The following ANKS1B variants were observed in gnomAD, a reference collection of about 807,000 sequenced individuals.
ANKS1B encodes ankyrin repeat and sterile alpha motif domain containing 1B.
ANKS1B carries 36 observed loss-of-function variants against 148.3 expected under a neutral mutation model. The observed-to-expected ratio is 0.24, with a 90% confidence interval of 0.19 to 0.32. ANKS1B has a LOEUF of 0.32. Ranked by LOEUF, ANKS1B falls within the 10% of genes least tolerant of loss-of-function variation. ANKS1B has a pLI of 1.00. For missense variants in ANKS1B, 1,157 were observed against 1,542.6 expected, an observed-to-expected ratio of 0.75 and a Z score of 4.19; for synonymous variants, 542 against 560.8, an observed-to-expected ratio of 0.97 and a Z score of 0.47.
intron 17 of ANKS1B, among the ~76,000 whole-genome samples, chr12:98,929,782 A>T (rs1012277489): frequency 6.6e-6 from 1 of 152,076 alleles, no homozygotes; most frequent in Non-Finnish European, 1.5e-5. Flanking sequence ...GATTCACAAA[A>T]ATTAACTCAA....
intron 20 of ANKS1B, among the ~76,000 whole-genome samples, chr12:98,804,946 T>C (rs1247617954): frequency 6.6e-6 from 1 of 152,218 alleles, no homozygotes; most frequent in Non-Finnish European, 1.5e-5. Flanking sequence ...TAATGGTTTA[T>C]AATCAAAGCT....
intron 8 of ANKS1B, among the ~76,000 whole-genome samples, chr12:99,754,998 C>T (rs1194067954): frequency 6.6e-6 from 1 of 151,608 alleles, no homozygotes; most frequent in Non-Finnish European, 1.5e-5. Context: ...TAACCAAAAT[C>T]AGAGCTGAAT....
chr12:99,373,686 T>A (rs1270468057), intron 12 of ANKS1B, among the ~76,000 whole-genome samples: 2 of 152,026 alleles, frequency 1.3e-5, no homozygotes, highest in African/African-American at 4.8e-5. Flanking sequence ...CTTGTTTCAT[T>A]TTTTGTTTTT....
chr12:99,652,589 ATAG>A (rs2098427424), intron 9 of ANKS1B, among the ~76,000 whole-genome samples: 1 of 152,208 alleles, frequency 6.6e-6, no homozygotes, highest in African/African-American at 2.4e-5. Flanking sequence ...AAGTACATTT[ATAG>A]ATTTAATGCA....
chr12:99,808,510 C>T lies in ANKS1B; in HGVS notation c.373-1810G>A, dbSNP rs146688644. ...TAGATGGGGAATCCAGCTGAGGGTACTGTTTCTTCCATCATTTGTCAGGAG... is the reference window on the plus strand; with the variant it reads ...TAGATGGGGAATCCAGCTGAGGGTATTGTTTCTTCCATCATTTGTCAGGAG... On this transcript the variant is annotated intron_variant, in intron 3 of 26. Coordinates refer to ENST00000683438, the MANE Select transcript of ANKS1B (RefSeq NM_001352186.2). Among the ~76,000 whole-genome samples, 18 of 152,184 alleles carry T rather than the reference C, an allele frequency of 1.2e-4. 1 individual carries two copies. Among genetic ancestry groups the T allele is most frequent in the African/African-American group, 4.1e-4 (17 of 41,562 alleles).
chr12:99,664,467 A>T (rs1238248699), intron 8 of ANKS1B, among the ~76,000 whole-genome samples: 1 of 152,158 alleles, frequency 6.6e-6, no homozygotes, highest in Non-Finnish European at 1.5e-5. Context: ...CTAAGAGTAA[A>T]AAGGTAGATG....
rs570248038 is a variant in ANKS1B, at chr12:98,804,138, C to T, written c.3142-3013G>A. On this transcript the variant is annotated intron_variant, in intron 20 of 26. Coordinates refer to ENST00000683438, the MANE Select transcript of ANKS1B (RefSeq NM_001352186.2). Reference sequence around the variant, plus strand: ...TCAGAGTGATCTGATAGGATTTTCCCTAGGTGCTAAGGTGGGAGATAATTA... The same window carrying T: ...TCAGAGTGATCTGATAGGATTTTCCTTAGGTGCTAAGGTGGGAGATAATTA... 1.4e-3 allele frequency among the ~76,000 whole-genome samples: 215 copies of T among 152,268 alleles called. 1 individual carries two copies. The highest frequency in any genetic ancestry group is 4.9e-3 in the African/African-American group (202 of 41,566).
At chr12:99,808,253 T>G (rs1193412196) in intron 3 of ANKS1B, among the ~76,000 whole-genome samples, 10 of 152,058 alleles carry the variant, frequency 6.6e-5, no homozygotes, top group African/African-American at 2.4e-4. Context: ...CTTAATGTTC[T>G]AGAAAGTAAC....
intron 11 of ANKS1B, among the ~76,000 whole-genome samples, chr12:99,438,582 T>C (rs770305401): frequency 2.0e-5 from 3 of 151,926 alleles, no homozygotes; most frequent in Non-Finnish European, 4.4e-5. Flanking sequence ...TTGGCTCCCT[T>C]AGACCTAATC....
At chr12:99,816,647 AT>A (rs2069205033) in intron 2 of ANKS1B, among the ~76,000 whole-genome samples, 1 of 151,814 alleles carries the variant, frequency 6.6e-6, no homozygotes, top group Non-Finnish European at 1.5e-5. Flanking sequence ...GTGTTAAAAC[AT>A]ATTTGTGAAA....
chr12:99,441,060 A>G lies in ANKS1B; in HGVS notation c.1575+2613T>C, dbSNP rs559853503. On this transcript the variant is annotated intron_variant, in intron 11 of 26. Coordinates refer to ENST00000683438, the MANE Select transcript of ANKS1B (RefSeq NM_001352186.2). ...CACAAGTTTTAAAAGTGAAATTATC[A>G]TTTCAATCATATTATTAATTTTTAA... Among the ~76,000 whole-genome samples the G allele has an allele frequency of 3.9e-5, 6 of 152,034 alleles. No homozygotes were observed. The East Asian group carries it at 1.2e-3, about 29-fold the overall frequency.
intron 4 of ANKS1B, among the ~76,000 whole-genome samples, chr12:99,791,642 T>C (rs2065667313): frequency 6.6e-6 from 1 of 151,752 alleles, no homozygotes; most frequent in African/African-American, 2.4e-5. Flanking sequence ...AATTAAACAA[T>C]ATGCTCCTGA....
chr12:99,961,101 C>T (rs575280185), intron 1 of ANKS1B, among the ~76,000 whole-genome samples: 2 of 152,140 alleles, frequency 1.3e-5, no homozygotes, highest in East Asian at 1.9e-4. Context: ...TGGTGACAGG[C>T]GCCTGTAGTC....
At chr12:99,724,812 G>A (rs922771665) in intron 8 of ANKS1B, among the ~76,000 whole-genome samples, 1 of 152,212 alleles carries the variant, frequency 6.6e-6, no homozygotes, top group Non-Finnish European at 1.5e-5. Context: ...AGACCTCTCA[G>A]CAGAAACGGT....
chr12:98,956,986 T>C (rs996495729), intron 17 of ANKS1B, among the ~76,000 whole-genome samples: 2 of 152,224 alleles, frequency 1.3e-5, no homozygotes, highest in Admixed American at 1.3e-4. Flanking sequence ...ATTAAGCTCT[T>C]TACTCTATCT....
At chr12:99,565,105 C>T (rs1158833090) in intron 9 of ANKS1B, among the ~76,000 whole-genome samples, 1 of 152,210 alleles carries the variant, frequency 6.6e-6, no homozygotes, top group Non-Finnish European at 1.5e-5. Flanking sequence ...AAAAATTAAT[C>T]CCTGTATTAT....
intron 17 of ANKS1B, among the ~76,000 whole-genome samples, chr12:99,000,115 T>A (rs540605946): frequency 1.5e-3 from 225 of 150,046 alleles, no homozygotes; most frequent in Non-Finnish European, 2.7e-3. Flanking sequence ...GAGAGGAGAG[T>A]AAGGAAAAAA....
intron 6 of ANKS1B, among the ~76,000 whole-genome samples, chr12:99,778,508 C>CAA (rs57712696): frequency 0.026 from 1,490 of 57,370 alleles, 27 homozygotes; most frequent in African/African-American, 0.084. Context: ...AACTCTTTCT[C>CAA]AAAAAAAAAA....
At chr12:99,837,355 G>A (rs2085018343) in intron 1 of ANKS1B, among the ~76,000 whole-genome samples, 1 of 152,098 alleles carries the variant, frequency 6.6e-6, no homozygotes, top group African/African-American at 2.4e-5. Flanking sequence ...TACATTTGTG[G>A]TAACTTGCTA....
Sources: gnomAD v4.1 joint callset for allele counts (sites outside exome capture counted in the v4.1 genomes callset) on GRCh38, gnomAD v4.1.1 for gene constraint, MANE v1.5 for transcripts, NCBI Gene and HGNC (gene_info 2026-07-23, HGNC 2026-07-21) for gene names.